Variants in HDAC11 observed in about 807,000 individuals in gnomAD.
HDAC11 encodes the protein histone deacetylase 11.
Under a neutral mutation model 41.1 loss-of-function variants are expected in HDAC11, and 23 were observed. The observed-to-expected ratio is 0.56, with a 90% CI of 0.40 to 0.79. The LOEUF is 0.79. Ranked by LOEUF, HDAC11 falls within the 30% of genes least tolerant of loss-of-function variation. HDAC11 has a pLI of 0.00. For synonymous variants in HDAC11, 187 were observed against 186.6 expected (o/e 1.00, Z -0.02); for missense variants, 402 against 477.3 (o/e 0.84, Z 1.47).
intron 9 of HDAC11, 41 bp from the exon 10 acceptor site, chr3:13,504,427 G>T (rs1193706604): frequency 6.2e-7 from 1 of 1,607,676 alleles, no homozygotes. Flanking sequence ...GACACCATGG[G>T]GGTCTGGCCT....
intron 2 of HDAC11, among the ~76,000 whole-genome samples, chr3:13,483,059 G>A (rs1163826349): frequency 7.0e-6 from 1 of 142,434 alleles, no homozygotes; most frequent in African/African-American, 2.6e-5. Flanking sequence ...CCAAGACCCT[G>A]TCTCTTTAAA....
intron 3 of HDAC11, among the ~76,000 whole-genome samples, chr3:13,493,744 C>T (rs58904025): frequency 0.025 from 3,756 of 152,312 alleles, 58 homozygotes; most frequent in African/African-American, 0.04. Context: ...GTCTCGCCAA[C>T]GTTGGCACAG....
chr3:13,498,063 C>T (rs919490070), intron 4 of HDAC11, among the ~76,000 whole-genome samples: 4 of 151,920 alleles, frequency 2.6e-5, no homozygotes, highest in Non-Finnish European at 4.4e-5. Context: ...ACCATGTTGG[C>T]GAGGCTGGTC....
At chr3:13,481,031 G>A in intron 1 of HDAC11, 1 of 577,404 alleles carries the variant, frequency 1.7e-6, no homozygotes, top group Admixed American at 3.1e-5. Flanking sequence ...TGCGATTGTG[G>A]TGCCTACCCC....
chr3:13,501,772 G>A lies in HDAC11; in HGVS notation c.490-99G>A, dbSNP rs930276457. The A allele has an allele frequency of 2.3e-5, 24 of 1,050,986 alleles. 1 individual carries two copies. The highest frequency in any genetic ancestry group is 3.4e-5 in the Non-Finnish European group (23 of 669,058). 65.1% of individuals were successfully genotyped at this position (1,050,986 alleles called of 1,614,324 possible). A position where few individuals can be genotyped will look rare whatever the true frequency, so the allele number is the denominator to read the frequency against. ...TGGCCTGATTACCCACAAGCATTAG[G>A]CCCCCCTCCCCGCCCCTCGCCAGCC... On this transcript the variant is annotated intron_variant, in intron 6 of 9. Coordinates refer to ENST00000295757, the MANE Select transcript of HDAC11 (RefSeq NM_024827.4).
chr3:13,496,627 C>T (rs1438436386), intron 3 of HDAC11, 109 bp from the exon 4 acceptor site: 5 of 684,320 alleles, frequency 7.3e-6, no homozygotes, highest in Non-Finnish European at 1.0e-5. Context: ...GGGAGTTCAT[C>T]CAAGGGCACC....
chr3:13,480,913 G>A lies in HDAC11; in HGVS notation c.3-333G>A. The A allele has an allele frequency of 4.6e-6, 2 of 435,342 alleles. No homozygotes were observed. The highest frequency in any genetic ancestry group is 5.1e-5 in the East Asian group (1 of 19,508). 27.0% of individuals were successfully genotyped at this position (435,342 alleles called of 1,614,324 possible). On this transcript the variant is annotated intron_variant, in intron 1 of 9. Coordinates refer to ENST00000295757, the MANE Select transcript of HDAC11 (RefSeq NM_024827.4). The surrounding 1 kb of genome is among the most constrained non-coding windows in gnomAD (Gnocchi z 4.6). ...GTGGGGGCATTTATTACGGTGCAGA[G>A]GTGATGCGCGGAGGCCTTGCAGCCA...
intron 3 of HDAC11, among the ~76,000 whole-genome samples, chr3:13,491,110 G>GTC (rs1161551695): frequency 7.5e-6 from 1 of 132,780 alleles, no homozygotes; most frequent in African/African-American, 2.8e-5. Flanking sequence ...GTGTGTGTGT[G>GTC]TGTATTCTTT....
rs370219921 is a variant in HDAC11, at chr3:13,501,791, G to A, written c.490-80G>A. ...CATTAGGCCCCCCTCCCCGCCCCTC[G>A]CCAGCCAGCTGGGAGTTGCTGTAGG... On this transcript the variant is annotated intron_variant, in intron 6 of 9. Coordinates refer to ENST00000295757, the MANE Select transcript of HDAC11 (RefSeq NM_024827.4). 2,447 of 1,354,844 alleles carry A rather than the reference G, an allele frequency of 1.8e-3. 63 individuals are homozygous for A. The South Asian group carries it at 0.025, about 14-fold the overall frequency. The allele number at this position is 1,354,844 out of a possible 1,614,324, so 83.9% of individuals were successfully genotyped here.
In HDAC11 at chr3:13,501,882, G is replaced by C. The variant is rs1279903344; in HGVS notation, c.501G>C (p.Glu167Asp). 11 of 1,613,990 alleles carry C rather than the reference G, an allele frequency of 6.8e-6. No individual in the cohort carries two copies. Among genetic ancestry groups the C allele is most frequent in the South Asian group, 4.4e-5 (4 of 91,078 alleles). ...DITLAIKFLFERVEGISRATI... is the reference protein window; with the variant it reads ...DITLAIKFLFDRVEGISRATI... ...CTCCTCCCTGGCAGTTTCTGTTTGA[G>C]CGTGTGGAGGGCATCTCCAGGGCTA... The change falls in exon 7 of 10, where the codon GAG becomes GAC. Residue 167 changes from glutamate to aspartate, a missense_variant. Physicochemically the swap from Glu to Asp is conservative, Grantham distance 45. Coordinates refer to ENST00000295757, the MANE Select transcript of HDAC11 (RefSeq NM_024827.4).
Position 13,504,565 on chromosome 3 carries a change from C to T in HDAC11, c.926C>T (p.Ala309Val), listed in dbSNP as rs1391174332. The T allele has an allele frequency of 1.2e-6, 2 of 1,613,596 alleles. No individual in the cohort carries two copies. Among genetic ancestry groups the T allele is most frequent in the Non-Finnish European group, 1.7e-6 (2 of 1,180,036 alleles). The change falls in exon 10 of 10, where the codon GCC (alanine) becomes GTC (valine). Residue 309 changes from alanine to valine, a missense_variant. Transcript: ENST00000295757. ...VTSGGYQKRT[A>V]RIIADSILNL... ...TCAGGCGGGTACCAGAAGCGCACAG[C>T]CCGCATCATTGCTGACTCCATACTT...
At chr3:13,490,744 CTTTT>C (rs59531656) in intron 3 of HDAC11, among the ~76,000 whole-genome samples, 1 of 41,452 alleles carries the variant, frequency 2.4e-5, no homozygotes, top group Non-Finnish European at 4.1e-5. Context: ...GCATTTTTTT[CTTTT>C]TTTTTTTTTT....
intron 9 of HDAC11, 69 bp downstream of exon 9, chr3:13,504,341 C>T (rs960886573): frequency 6.9e-6 from 11 of 1,589,236 alleles, no homozygotes; most frequent in African/African-American, 2.7e-5. Context: ...GAAAGGTGGG[C>T]GGCCTCATGT....
At chr3:13,496,342 A>G (rs1258980067) in intron 3 of HDAC11, among the ~76,000 whole-genome samples, 5 of 152,192 alleles carry the variant, frequency 3.3e-5, no homozygotes, top group African/African-American at 1.2e-4. Context: ...CTCGCTGCCT[A>G]GGCCTCAGTG....
At chr3:13,487,243 A>C (rs574726065) in intron 3 of HDAC11, among the ~76,000 whole-genome samples, 1 of 152,144 alleles carries the variant, frequency 6.6e-6, no homozygotes, top group East Asian at 1.9e-4. Context: ...AGATGTCTGC[A>C]ATGTTTCTTT....
At chr3:13,497,191 T>A (rs565128353) in intron 4 of HDAC11, among the ~76,000 whole-genome samples, 1 of 152,132 alleles carries the variant, frequency 6.6e-6, no homozygotes, top group South Asian at 2.1e-4. Flanking sequence ...CTTTCTTTTT[T>A]TTTTTTGAGT....
intron 3 of HDAC11, among the ~76,000 whole-genome samples, chr3:13,490,749 T>C (rs1413619652): frequency 7.6e-5 from 10 of 132,036 alleles, no homozygotes; most frequent in East Asian, 4.2e-4. Flanking sequence ...TTTTTCTTTT[T>C]TTTTTTTTTT....
intron 6 of HDAC11, chr3:13,501,587 G>A: frequency 1.5e-6 from 1 of 661,378 alleles, no homozygotes; most frequent in Middle Eastern, 2.4e-4. Flanking sequence ...GGAAAATCCA[G>A]GGCCTGAGTG....
At chr3:13,501,303 ACT>A (rs1254890634) in intron 6 of HDAC11, among the ~76,000 whole-genome samples, 4 of 152,012 alleles carry the variant, frequency 2.6e-5, no homozygotes, top group Middle Eastern at 6.3e-3. Context: ...CTCCCCTGCC[ACT>A]CTGTGCCTGG....
Sources: gnomAD v4.1 joint callset for allele counts (sites outside exome capture counted in the v4.1 genomes callset) on GRCh38, gnomAD v4.1.1 for gene constraint, Gnocchi (gnomAD v3.1) non-coding constraint, MANE v1.5 for transcripts, NCBI Gene and HGNC (gene_info 2026-07-23, HGNC 2026-07-21) for gene names.